The following SH3GLB2 variants were observed in gnomAD, a reference collection of about 807,000 sequenced individuals.
The protein encoded by SH3GLB2 is SH3 domain containing GRB2 like, endophilin B2.
Under a neutral mutation model 48.0 loss-of-function variants are expected in SH3GLB2, and 24 were observed. The ratio of observed to expected loss-of-function variants is 0.50; its 90% CI spans 0.36 to 0.70. The LOEUF (loss-of-function observed/expected upper bound fraction) is 0.70, where lower values mean the gene tolerates loss of function less well. Ranked by LOEUF, SH3GLB2 falls within the 30% of genes least tolerant of loss-of-function variation. The pLI is 0.00. For missense variants in SH3GLB2, 425 were observed against 516.0 expected (o/e 0.82, Z 1.71); for synonymous variants, 227 against 207.6 (o/e 1.09, Z -0.80).
Position 129,007,586 on chromosome 9 carries a change from A to G in SH3GLB2, c.*1098T>C, listed in dbSNP as rs1199213924. On this transcript the variant is annotated 3_prime_UTR_variant, in exon 11 of 11. Coordinates refer to ENST00000372564, the MANE Select transcript of SH3GLB2 (RefSeq NM_020145.4). ...CCTGGGCTTCAGTCCCTGCTTGGCC[A>G]CTTGCCAACTGTGGTCCCTTGAGGA... 6.6e-6 allele frequency: 1 copy of G among 152,168 alleles called. No individual in the cohort carries two copies. The highest frequency in any genetic ancestry group is 2.4e-5 in the African/African-American group (1 of 41,418). The allele number at this position is 152,168 out of a possible 1,614,324, so 9.4% of individuals were successfully genotyped here.
chr9:129,022,536 C>T, intron 1 of SH3GLB2, 113 bp from the exon 2 acceptor site: 1 of 957,070 alleles, frequency 1.0e-6, no homozygotes, highest in Non-Finnish European at 1.6e-6. Flanking sequence ...CCAGGCAGGC[C>T]CCAGGGTCAA....
At chr9:129,026,964 G>T (rs1844198984) in intron 1 of SH3GLB2, among the ~76,000 whole-genome samples, 1 of 152,200 alleles carries the variant, frequency 6.6e-6, no homozygotes. Flanking sequence ...GCTGGGTGTG[G>T]GCTCCTGGGG....
At chr9:129,013,067 G>C in intron 5 of SH3GLB2, 1 of 1,550,512 alleles carries the variant, frequency 6.4e-7, no homozygotes, top group Middle Eastern at 1.7e-4. Context: ...AAAACAAAGA[G>C]TTAGTGAGTC....
chr9:129,019,889 G>C lies in SH3GLB2; in HGVS notation c.334+1202C>G, dbSNP rs1296589951. Among the ~76,000 whole-genome samples the C allele has an allele frequency of 2.6e-5, 4 of 151,386 alleles. No homozygotes were observed. The East Asian group carries it at 7.7e-4, about 29-fold the overall frequency. On this transcript the variant is annotated intron_variant, in intron 3 of 10. Coordinates refer to ENST00000372564, the MANE Select transcript of SH3GLB2 (RefSeq NM_020145.4). ...TAAATGCTTCAGTGAAAAGATACCT[G>C]TAATATGATGTCAAGTTAAAAAGTC...
intron 5 of SH3GLB2, chr9:129,012,833 G>A: frequency 4.4e-6 from 3 of 688,666 alleles, no homozygotes; most frequent in African/African-American, 1.8e-5. Context: ...TGACTCACAG[G>A]CCCCAACGCC....
chr9:129,014,575 T>C lies in SH3GLB2; in HGVS notation c.469-72A>G. 6.6e-7 allele frequency: 1 copy of C among 1,507,100 alleles called. No individual in the cohort carries two copies. The highest frequency in any genetic ancestry group is 9.0e-7 in the Non-Finnish European group (1 of 1,106,292). 93.4% of individuals were successfully genotyped at this position (1,507,100 alleles called of 1,614,324 possible). A position where few individuals can be genotyped will look rare whatever the true frequency, so the allele number is the denominator to read the frequency against. ...AGACCCTGAGCCATGCATGGCAAGATTGGTGCCGGGGACGATCAAGTCAAG... is the reference window on the plus strand; with the variant it reads ...AGACCCTGAGCCATGCATGGCAAGACTGGTGCCGGGGACGATCAAGTCAAG... On this transcript the variant is annotated intron_variant, in intron 4 of 10. Transcript: ENST00000372564. This position sits in a 1 kb window ranked among gnomAD's most constrained non-coding sequence, Gnocchi z 4.1.
intron 3 of SH3GLB2, among the ~76,000 whole-genome samples, chr9:129,019,721 A>G (rs1843664956): frequency 6.6e-6 from 1 of 151,124 alleles, no homozygotes. Flanking sequence ...AAAAAAAAAA[A>G]AAAAAAAAGT....
intron 7 of SH3GLB2, 74 bp downstream of exon 7, chr9:129,010,596 C>T: frequency 1.3e-6 from 2 of 1,548,666 alleles, no homozygotes; most frequent in Non-Finnish European, 1.8e-6. Context: ...ACAGATCAGA[C>T]CCCACAGCAG....
rs1842899846 is a variant in SH3GLB2, at chr9:129,008,615, G to A, written c.*69C>T. 4.1e-6 allele frequency: 5 copies of A among 1,213,130 alleles called. No homozygotes were observed. In the South Asian group the frequency reaches 6.3e-5, roughly 15 times the overall value. The allele number at this position is 1,213,130 out of a possible 1,614,324, so 75.1% of individuals were successfully genotyped here. ...GAACAACTGTGTCACCAACAAACAA[G>A]TTAAGTGGCAGGGCTGCGCCCATCC... On this transcript the variant is annotated 3_prime_UTR_variant, in exon 11 of 11. Coordinates refer to ENST00000372564, the MANE Select transcript of SH3GLB2 (RefSeq NM_020145.4).
rs369441222 is a variant in SH3GLB2, at chr9:129,014,526, A to G, written c.469-23T>C. On this transcript the variant is annotated intron_variant, in intron 4 of 10. Transcript: ENST00000372564. The surrounding 1 kb of genome is among the most constrained non-coding windows in gnomAD (Gnocchi z 4.1). ...CTTCTACAGGGCAGGGCATGGGGACAGTGAGACCCTGGGCTGCCCTGGGAG... is the reference window on the plus strand; with the variant it reads ...CTTCTACAGGGCAGGGCATGGGGACGGTGAGACCCTGGGCTGCCCTGGGAG... The G allele has an allele frequency of 1.3e-4, 207 of 1,551,082 alleles. No individual in the cohort carries two copies. In the South Asian group the frequency reaches 1.7e-3, roughly 13 times the overall value.
rs1314218531 is a variant in SH3GLB2, at chr9:129,028,279, G to GGCCTGCCC, written c.-133_-126dup. ...CCAGCCCTCCGCGCACCCGCCTGCC[G>GGCCTGCCC]GCCTGCCCGCCTGCCCGCCCGCCGC... On this transcript the variant is annotated 5_prime_UTR_variant, in exon 1 of 11. Transcript: ENST00000372564. 0.032 allele frequency: 18,584 copies of GGCCTGCCC among 580,758 alleles called. 1,697 individuals carry two copies. Among genetic ancestry groups the GGCCTGCCC allele is most frequent in the African/African-American group, 0.24 (11,169 of 46,488 alleles). 36.0% of individuals were successfully genotyped at this position (580,758 alleles called of 1,614,324 possible). A position where few individuals can be genotyped will look rare whatever the true frequency, so the allele number is the denominator to read the frequency against.
chr9:129,012,005 GT>G lies in SH3GLB2; in HGVS notation c.624+230del, dbSNP rs536505453. Reference sequence around the variant, plus strand: ...GGCTGGCCCTGCCGCCAGCTCCAGCGTTTTGCAGAGGGAAACAAGTCCAGCT... The same window carrying G: ...GGCTGGCCCTGCCGCCAGCTCCAGCGTTTGCAGAGGGAAACAAGTCCAGCT... On this transcript the variant is annotated intron_variant, in intron 6 of 10. Transcript: ENST00000372564. 2.9e-3 allele frequency: 1,160 copies of G among 393,990 alleles called. 3 individuals are homozygous for G. The highest frequency in any genetic ancestry group is 4.4e-3 in the Non-Finnish European group (982 of 223,692). 24.4% of individuals were successfully genotyped at this position (393,990 alleles called of 1,614,324 possible).
At chr9:129,013,922 C>A (rs991704236) in intron 5 of SH3GLB2, 1 of 429,726 alleles carries the variant, frequency 2.3e-6, no homozygotes, top group Admixed American at 2.5e-5. Context: ...ATGGCCCAGG[C>A]CCTATCCAAT....
intron 5 of SH3GLB2, chr9:129,013,149 C>T: frequency 4.1e-6 from 4 of 963,892 alleles, no homozygotes; most frequent in South Asian, 2.8e-5. Context: ...CGGAGGGAGG[C>T]ACCACAGCCT....
In SH3GLB2 at chr9:129,009,782, C is replaced by G. The variant is rs1240460634; in HGVS notation, c.828G>C (p.Lys276Asn). The change falls in exon 9 of 11, where the codon AAG becomes AAC. Residue 276 changes from lysine (K) to asparagine (N), a missense_variant. Transcript: ENST00000372564. Reference protein sequence around the residue: ...QCYRHMLDLQKQLGRFPGTFV... With the variant: ...QCYRHMLDLQNQLGRFPGTFV... ...TGCTGGCCCCGCACCTGCCCAGCTGCTTCTGCAAGTCCAGCATGTGGCGGT... is the reference window on the plus strand; with the variant it reads ...TGCTGGCCCCGCACCTGCCCAGCTGGTTCTGCAAGTCCAGCATGTGGCGGT... 2 of 1,613,148 alleles carry G rather than the reference C, an allele frequency of 1.2e-6. No individual in the cohort carries two copies. The highest frequency in any genetic ancestry group is 1.7e-6 in the Non-Finnish European group (2 of 1,179,664).
At position 129,018,071 on chromosome 9, in the gene SH3GLB2, G is replaced by A. The variant is rs566607441; in HGVS notation, c.334+3020C>T. ...GGCACCATTGCACTCCAGCCTGGGC[G>A]ACAGAGCGAGACTCCATCTCAAAAT... On this transcript the variant is annotated intron_variant, in intron 3 of 10. Transcript: ENST00000372564. Among the ~76,000 whole-genome samples the A allele has an allele frequency of 5.3e-5, 8 of 152,118 alleles. No homozygotes were observed. In the East Asian group the frequency reaches 5.8e-4, roughly 11 times the overall value.
In SH3GLB2 at chr9:129,018,841, G is replaced by A. The variant is rs1329023746; in HGVS notation, c.334+2250C>T. ...CGGGAGGAGGAGCTTGCAGTGAGTC[G>A]AGATTGTGCCACTGCACTCCAGCCT... On this transcript the variant is annotated intron_variant, in intron 3 of 10. Coordinates refer to ENST00000372564, the MANE Select transcript of SH3GLB2 (RefSeq NM_020145.4). Among the ~76,000 whole-genome samples, 74 of 139,372 alleles carry A rather than the reference G, an allele frequency of 5.3e-4. No homozygotes were observed. In the South Asian group the frequency reaches 0.01, roughly 20 times the overall value. The allele number at this position is 139,372 out of a possible 152,430, so 91.4% of individuals were successfully genotyped here.
Position 129,008,653 on chromosome 9 carries a change from G to C in SH3GLB2, c.*31C>G. On this transcript the variant is annotated 3_prime_UTR_variant, in exon 11 of 11. Transcript: ENST00000372564. ...GCTGCGCCCATCCTCTCCTGCCTAG[G>C]CCAGAATGCGGGGGGGATGGGGGCA... is the stretch of plus-strand genomic sequence containing the variant. The C allele has an allele frequency of 6.4e-7, 1 of 1,556,996 alleles. No individual in the cohort carries two copies. Among genetic ancestry groups the C allele is most frequent in the South Asian group, 1.1e-5 (1 of 89,616 alleles).
intron 8 of SH3GLB2, 83 bp from the exon 9 acceptor site, chr9:129,009,954 G>C: frequency 4.2e-6 from 6 of 1,442,098 alleles, no homozygotes; most frequent in Non-Finnish European, 5.8e-6. Flanking sequence ...TCCTCTACCA[G>C]ACCTTGCTCC....
Sources: allele counts gnomAD v4.1 joint callset (sites outside exome capture counted in the v4.1 genomes callset), GRCh38; gene constraint gnomAD v4.1.1; non-coding constraint Gnocchi (gnomAD v3.1); transcripts MANE v1.5; gene names NCBI Gene and HGNC (gene_info 2026-07-23, HGNC 2026-07-21).